ABI2: variants seen among roughly 807,000 people sequenced by gnomAD.
ABI2 encodes abl interactor 2, also known as abelson interactor 2.
A neutral mutation model predicts 59.2 loss-of-function variants in ABI2; 25 were observed. The observed-to-expected ratio is 0.42, with a 90% confidence interval of 0.31 to 0.59. The LOEUF is 0.59. Ranked by LOEUF, ABI2 falls within the 20% of genes least tolerant of loss-of-function variation. The pLI is 0.14. For synonymous variants in ABI2, 213 were observed against 235.5 expected, an observed-to-expected ratio of 0.90 and a Z score of 0.87; for missense variants, 545 against 681.8, an observed-to-expected ratio of 0.80 and a Z score of 2.23.
intron 11 of ABI2, among the ~76,000 whole-genome samples, chr2:203,420,456 C>T (rs554220420): frequency 7.3e-5 from 11 of 150,286 alleles, no homozygotes; most frequent in African/African-American, 1.5e-4. Context: ...TGCAGTGGCA[C>T]GGTCTTGGCT....
At chr2:203,388,570 A>G (rs2096622215) in intron 4 of ABI2, among the ~76,000 whole-genome samples, 1 of 151,794 alleles carries the variant, frequency 6.6e-6, no homozygotes, top group African/African-American at 2.4e-5. Context: ...AATCCCAGCT[A>G]CTCGGGAGGC....
At chr2:203,414,875 T>C (rs2097829074) in intron 10 of ABI2, among the ~76,000 whole-genome samples, 1 of 152,158 alleles carries the variant, frequency 6.6e-6, no homozygotes, top group Non-Finnish European at 1.5e-5. Flanking sequence ...AAAGATGAAA[T>C]GAAATAATGC....
At chr2:203,384,300 T>TGTTTTTTTTTG (rs1559289287) in intron 4 of ABI2, among the ~76,000 whole-genome samples, 3,642 of 102,184 alleles carry the variant, frequency 0.036, 160 homozygotes, top group African/African-American at 0.063. Flanking sequence ...GTTTTTTTTT[T>TGTTTTTTTTTG]TTTTTTTTTT....
intron 11 of ABI2, among the ~76,000 whole-genome samples, chr2:203,425,693 A>G (rs1363198216): frequency 6.6e-6 from 1 of 152,218 alleles, no homozygotes; most frequent in Non-Finnish European, 1.5e-5. Flanking sequence ...ATATTGAGAA[A>G]TGCACACTGA....
chr2:203,339,032 A>C (rs1055654252), intron 1 of ABI2, among the ~76,000 whole-genome samples: 1 of 131,938 alleles, frequency 7.6e-6, no homozygotes, highest in African/African-American at 3.0e-5. Context: ...ACTTAATAGC[A>C]AAAAACCAAA....
At chr2:203,345,137 G>A (rs1436158585) in intron 1 of ABI2, among the ~76,000 whole-genome samples, 2 of 152,150 alleles carry the variant, frequency 1.3e-5, no homozygotes, top group Non-Finnish European at 1.5e-5. Flanking sequence ...CTTTGGGTCC[G>A]CACTACCTTT....
chr2:203,351,710 A>G (rs775475305), intron 1 of ABI2: 37 of 300,084 alleles, frequency 1.2e-4, no homozygotes, highest in East Asian at 1.2e-3. Context: ...TGATTTTCGT[A>G]TTTTTTGTAG....
At chr2:203,341,688 C>T (rs2080015128) in intron 1 of ABI2, among the ~76,000 whole-genome samples, 1 of 151,918 alleles carries the variant, frequency 6.6e-6, no homozygotes. Flanking sequence ...CCAGCCTGGG[C>T]AACAGAGCGA....
At chr2:203,396,299 G>A (rs2096980653) in intron 7 of ABI2, among the ~76,000 whole-genome samples, 1 of 152,084 alleles carries the variant, frequency 6.6e-6, no homozygotes, top group Admixed American at 6.5e-5. Context: ...TTAATAGAAT[G>A]TTACATACTT....
chr2:203,419,251 C>T (rs551913264), intron 11 of ABI2, among the ~76,000 whole-genome samples: 1 of 143,580 alleles, frequency 7.0e-6, no homozygotes, highest in Admixed American at 6.9e-5. Flanking sequence ...CTGGGACTAC[C>T]GGCGCCCACC....
chr2:203,347,284 G>C (rs1463995372), intron 1 of ABI2, among the ~76,000 whole-genome samples: 1 of 152,152 alleles, frequency 6.6e-6, no homozygotes, highest in Non-Finnish European at 1.5e-5. Context: ...ATGATATCCT[G>C]ACTCCCAGTT....
At chr2:203,421,448 T>A (rs1194711132) in intron 11 of ABI2, among the ~76,000 whole-genome samples, 1 of 152,234 alleles carries the variant, frequency 6.6e-6, no homozygotes, top group African/African-American at 2.4e-5. Context: ...AAGAGCCACC[T>A]GATTTGCAAA....
intron 1 of ABI2, among the ~76,000 whole-genome samples, chr2:203,364,481 T>C (rs937178972): frequency 6.6e-6 from 1 of 152,154 alleles, no homozygotes; most frequent in Non-Finnish European, 1.5e-5. Context: ...ACCATTGCGC[T>C]GACTTATCCG....
chr2:203,336,242 T>C (rs1264865971), intron 1 of ABI2, among the ~76,000 whole-genome samples: 3 of 152,120 alleles, frequency 2.0e-5, no homozygotes, highest in Non-Finnish European at 4.4e-5. Context: ...TAGGCAGTGG[T>C]GAATATGGCT....
At chr2:203,344,918 C>T (rs1228231352) in intron 1 of ABI2, among the ~76,000 whole-genome samples, 6 of 152,166 alleles carry the variant, frequency 3.9e-5, no homozygotes, top group South Asian at 4.1e-4. Flanking sequence ...AACCAATCAG[C>T]GCTCTGTAAA....
rs2098470118 is a variant in ABI2 at position 203,430,038 on chromosome 2, A to G, written c.*2686A>G. On this transcript the variant is annotated 3_prime_UTR_variant, in exon 12 of 12. Transcript: ENST00000261018. ...ACCTTTTGGGTTTTCTGCATATTTT[A>G]TAATTTTTGTACAGTTTTGAATTCT... 6.6e-6 allele frequency: 1 copy of G among 151,994 alleles called. No individual in the cohort carries two copies. Among genetic ancestry groups the G allele is most frequent in the Non-Finnish European group, 1.5e-5 (1 of 68,008 alleles). The allele number at this position is 151,994 out of a possible 1,614,324, so 9.4% of individuals were successfully genotyped here.
At chr2:203,367,746 T>C (rs967686131) in intron 2 of ABI2, among the ~76,000 whole-genome samples, 4 of 152,158 alleles carry the variant, frequency 2.6e-5, no homozygotes, top group Non-Finnish European at 5.9e-5. Context: ...CACACATCTG[T>C]AATCCCAGCA....
chr2:203,415,365 C>T (rs1371677599), intron 10 of ABI2, among the ~76,000 whole-genome samples: 1 of 152,072 alleles, frequency 6.6e-6, no homozygotes, highest in Non-Finnish European at 1.5e-5. Context: ...CGCCTGTAAT[C>T]CCAGCACTTT....
chr2:203,402,136 G>A (rs2097250814), intron 8 of ABI2, among the ~76,000 whole-genome samples: 1 of 152,174 alleles, frequency 6.6e-6, no homozygotes, highest in South Asian at 2.1e-4. Context: ...CTGAGTTCAA[G>A]TGATTCTTAC....
Sources: allele counts gnomAD v4.1 joint callset (sites outside exome capture counted in the v4.1 genomes callset), GRCh38; gene constraint gnomAD v4.1.1; transcripts MANE v1.5; gene names NCBI Gene and HGNC (gene_info 2026-07-23, HGNC 2026-07-21).